Variants in MATN2 observed in about 807,000 individuals in gnomAD.
MATN2 encodes matrilin-2.
In MATN2, 69 loss-of-function variants were observed where a neutral mutation model predicts 103.2. That is an observed-to-expected ratio of 0.67 (90% CI 0.55 to 0.82). The LOEUF (loss-of-function observed/expected upper bound fraction) is 0.82, where lower values mean the gene tolerates loss of function less well. Among genes scored for constraint, MATN2 ranks in the 40% least tolerant of loss-of-function variants. MATN2 has a pLI of 0.00. For synonymous variants in MATN2, 429 were observed against 450.2 expected (o/e 0.95, Z 0.60); for missense variants, 1,023 against 1,211.5 (o/e 0.84, Z 2.31).
At chr8:97,993,185 A>C (rs2130352200) in intron 6 of MATN2, among the ~76,000 whole-genome samples, 1 of 152,320 alleles carries the variant, frequency 6.6e-6, no homozygotes, top group Non-Finnish European at 1.5e-5. Context: ...CATCTCACTC[A>C]ACATTTTTTC....
chr8:97,901,475 A>T (rs949050590), intron 2 of MATN2, among the ~76,000 whole-genome samples: 16 of 150,500 alleles, frequency 1.1e-4, no homozygotes, highest in Non-Finnish European at 2.4e-4. Context: ...CTGGTCTTGA[A>T]CTCCTGACCT....
intron 12 of MATN2, 27 bp downstream of exon 12, chr8:98,018,143 C>A (rs1167388807): frequency 1.2e-6 from 2 of 1,612,578 alleles, no homozygotes; most frequent in East Asian, 2.2e-5. Flanking sequence ...TGGAGAAGAA[C>A]TTTTCCCTCT....
chr8:97,873,459 C>A (rs1350898058), intron 1 of MATN2, among the ~76,000 whole-genome samples: 1 of 151,916 alleles, frequency 6.6e-6, no homozygotes, highest in African/African-American at 2.4e-5. Flanking sequence ...GGTGATCCTC[C>A]TACCTCAGCC....
At chr8:97,990,356 T>A (rs1269477370) in intron 6 of MATN2, among the ~76,000 whole-genome samples, 1 of 152,160 alleles carries the variant, frequency 6.6e-6, no homozygotes, top group Non-Finnish European at 1.5e-5. Context: ...TCATACCCAC[T>A]AGAATGACTA....
intron 5 of MATN2, among the ~76,000 whole-genome samples, chr8:97,963,067 G>A (rs1387750151): frequency 1.3e-5 from 2 of 152,128 alleles, no homozygotes; most frequent in African/African-American, 2.4e-5. Context: ...CCTGGGAGGC[G>A]GATTTTGCAG....
intron 4 of MATN2, among the ~76,000 whole-genome samples, chr8:97,951,443 T>A (rs1810948606): frequency 6.6e-6 from 1 of 151,946 alleles, no homozygotes; most frequent in South Asian, 2.1e-4. Context: ...CAAAGTGTGG[T>A]CCCCCCGGAA....
chr8:97,999,635 T>C (rs1305623945), intron 7 of MATN2, among the ~76,000 whole-genome samples: 1 of 152,198 alleles, frequency 6.6e-6, no homozygotes, highest in Non-Finnish European at 1.5e-5. Flanking sequence ...GGTAGATGAA[T>C]AGAAACTGCA....
intron 7 of MATN2, among the ~76,000 whole-genome samples, chr8:98,000,285 C>T (rs1420326400): frequency 6.6e-6 from 1 of 151,944 alleles, no homozygotes; most frequent in Admixed American, 6.6e-5. Flanking sequence ...CTCGCTAAAC[C>T]TCAATTCCTC....
At chr8:97,962,160 C>T (rs1050872081) in intron 5 of MATN2, among the ~76,000 whole-genome samples, 2 of 152,226 alleles carry the variant, frequency 1.3e-5, no homozygotes, top group African/African-American at 2.4e-5. Flanking sequence ...AACATGGTCT[C>T]ATTCCTCCTT....
intron 3 of MATN2, among the ~76,000 whole-genome samples, chr8:97,933,921 C>G (rs899218109): frequency 1.3e-5 from 2 of 152,158 alleles, no homozygotes; most frequent in African/African-American, 4.8e-5. Flanking sequence ...CTTATGTTAT[C>G]GCAGAAAGCC....
At chr8:97,997,939 C>T (rs2130364493) in intron 7 of MATN2, among the ~76,000 whole-genome samples, 1 of 151,346 alleles carries the variant, frequency 6.6e-6, no homozygotes, top group African/African-American at 2.4e-5. Context: ...CTCACTTCGG[C>T]CTCCCTAGTA....
In MATN2 at chr8:97,961,403, C is replaced by T; in HGVS notation, c.836-5C>T. On this transcript the variant is annotated splice_polypyrimidine_tract_variant and splice_region_variant and intron_variant, in intron 4 of 18. Transcript: ENST00000254898. ...TTGTGTTCTAACATCGTGACTTTGCCTCAGTCCAGGATCTGTGTGCCATGG... is the reference window on the plus strand; with the variant it reads ...TTGTGTTCTAACATCGTGACTTTGCTTCAGTCCAGGATCTGTGTGCCATGG... The T allele has an allele frequency of 2.5e-6, 4 of 1,609,198 alleles. No homozygotes were observed. The highest frequency in any genetic ancestry group is 1.1e-5 in the South Asian group (1 of 90,220).
intron 12 of MATN2, among the ~76,000 whole-genome samples, chr8:98,018,386 C>T (rs998512291): frequency 2.6e-5 from 4 of 152,090 alleles, no homozygotes; most frequent in South Asian, 2.1e-4. Flanking sequence ...TGTGGGTGCC[C>T]GGAAACTCGC....
At chr8:97,910,752 TACTA>T (rs1809387281) in intron 2 of MATN2, among the ~76,000 whole-genome samples, 1 of 152,230 alleles carries the variant, frequency 6.6e-6, no homozygotes, top group Non-Finnish European at 1.5e-5. Flanking sequence ...CTCCACCAGT[TACTA>T]ACTGTGTGAC....
chr8:97,914,013 G>T (rs1809538586), intron 2 of MATN2, among the ~76,000 whole-genome samples: 1 of 152,186 alleles, frequency 6.6e-6, no homozygotes, highest in Admixed American at 6.5e-5. Context: ...TAAACTATTT[G>T]CTCCACCATC....
intron 2 of MATN2, among the ~76,000 whole-genome samples, chr8:97,926,151 A>G (rs1189988100): frequency 6.6e-6 from 1 of 152,176 alleles, no homozygotes; most frequent in Non-Finnish European, 1.5e-5. Context: ...CTGTTAACAG[A>G]GTCCAGATCA....
chr8:98,014,895 C>T lies in MATN2; in HGVS notation c.1574-1645C>T, dbSNP rs145408942. The stretch of plus-strand genomic sequence containing the variant: ...CTTTGGGGCCTTTATTTAATAATTC[C>T]GATTCATGTCCATTTTAGAAATTCT... On this transcript the variant is annotated intron_variant, in intron 10 of 18. Coordinates refer to ENST00000254898, the MANE Select transcript of MATN2 (RefSeq NM_002380.5). Among the ~76,000 whole-genome samples, 1,424 of 152,182 alleles carry T rather than the reference C, an allele frequency of 9.4e-3. 5 individuals are homozygous for T. Among genetic ancestry groups the T allele is most frequent in the Non-Finnish European group, 0.013 (876 of 68,006 alleles).
At chr8:97,933,588 A>G (rs1443014089) in intron 3 of MATN2, among the ~76,000 whole-genome samples, 1 of 142,606 alleles carries the variant, frequency 7.0e-6, no homozygotes, top group Non-Finnish European at 1.5e-5. Flanking sequence ...CTGTGGAAAA[A>G]CCATCTCTGT....
At chr8:97,914,939 A>G (rs1251736531) in intron 2 of MATN2, among the ~76,000 whole-genome samples, 1 of 152,128 alleles carries the variant, frequency 6.6e-6, no homozygotes, top group Non-Finnish European at 1.5e-5. Context: ...CTATCTTGGG[A>G]CTGGTGATCT....
Sources: gnomAD v4.1 joint callset for allele counts (sites outside exome capture counted in the v4.1 genomes callset) on GRCh38, gnomAD v4.1.1 for gene constraint, MANE v1.5 for transcripts, NCBI Gene and HGNC (gene_info 2026-07-23, HGNC 2026-07-21) for gene names.